XIAP: variants seen among roughly 807,000 people sequenced by gnomAD.
The protein encoded by XIAP is X-linked inhibitor of apoptosis.
Under a neutral mutation model 33.1 loss-of-function variants are expected in XIAP, and 3 were observed. The ratio of observed to expected loss-of-function variants is 0.09; its 90% CI spans 0.04 to 0.23. The LOEUF (loss-of-function observed/expected upper bound fraction) is 0.23. XIAP is among the 10% of genes least tolerant of loss of function. The pLI is 1.00. For synonymous variants in XIAP, 98 were observed against 121.3 expected (o/e 0.81, Z 1.26); for missense variants, 264 against 363.0 (o/e 0.73, Z 2.22).
At chrX:123,865,206 CAGT>C (rs2053123982) in intron 1 of XIAP, among the ~76,000 whole-genome samples, 1 of 109,696 alleles carries the variant, frequency 9.1e-6, no homozygotes, top group South Asian at 3.8e-4. Context: ...AAGAGACAAA[CAGT>C]AGTGATAAGA....
At chrX:123,890,940 CAA>C (rs150056280) in intron 3 of XIAP, among the ~76,000 whole-genome samples, 7 of 78,096 alleles carry the variant, frequency 9.0e-5, no homozygotes, top group Admixed American at 1.5e-4. Flanking sequence ...GACTCTGTCT[CAA>C]AAAAAAAAAA....
At chrX:123,864,641 T>A (rs1349025925) in intron 1 of XIAP, among the ~76,000 whole-genome samples, 6 of 22,876 alleles carry the variant, frequency 2.6e-4, no homozygotes, top group African/African-American at 9.7e-4. Flanking sequence ...TTAGAGTGTG[T>A]GTGTGTGTGT....
rs28382740 is a variant in XIAP, at chrX:123,907,193, A to G, written c.*12A>G. 247,060 of 1,177,667 alleles carry G rather than the reference A, an allele frequency of 0.21. 18,019 individuals carry two copies. The highest frequency in any genetic ancestry group is 0.39 in the South Asian group (21,885 of 55,856). Reference sequence around the variant, plus strand: ...TTTTTATGTCTTAATCTAACTCTATAGTAGGCATGTTATGTTGTTCTTATT... The same window carrying G: ...TTTTTATGTCTTAATCTAACTCTATGGTAGGCATGTTATGTTGTTCTTATT... On this transcript the variant is annotated 3_prime_UTR_variant, in exon 7 of 7. Transcript: ENST00000371199.
chrX:123,861,449 G>A (rs780168599), intron 1 of XIAP, among the ~76,000 whole-genome samples: 3 of 110,021 alleles, frequency 2.7e-5, no homozygotes, highest in African/African-American at 9.9e-5. Context: ...CCACATTCAA[G>A]AAGTGGCAAC....
intron 1 of XIAP, chrX:123,878,751 G>A (rs1439050997): frequency 8.9e-6 from 1 of 112,067 alleles, no homozygotes; most frequent in African/African-American, 3.2e-5. Context: ...AACGATTCCA[G>A]GCTTTTGATG....
At chrX:123,873,025 T>G (rs2053208825) in intron 1 of XIAP, 1 of 93,016 alleles carries the variant, frequency 1.1e-5, no homozygotes, top group Admixed American at 1.2e-4. Context: ...CATGCCCGAC[T>G]AATTTTTAAT....
At chrX:123,880,756 A>G (rs1204024825) in intron 1 of XIAP, among the ~76,000 whole-genome samples, 4 of 100,761 alleles carry the variant, frequency 4.0e-5, no homozygotes, top group African/African-American at 1.1e-4. Context: ...AAAAAAAAAA[A>G]GGGAGAAATA....
intron 5 of XIAP, among the ~76,000 whole-genome samples, chrX:123,895,421 T>G (rs769529679): frequency 8.9e-6 from 1 of 112,372 alleles, no homozygotes; most frequent in Non-Finnish European, 1.9e-5. Flanking sequence ...GTGCATAAGT[T>G]TTTGTATAGA....
At chrX:123,894,658 C>T (rs1208791353) in intron 5 of XIAP, among the ~76,000 whole-genome samples, 7 of 110,770 alleles carry the variant, frequency 6.3e-5, no homozygotes, top group African/African-American at 2.0e-4. Context: ...ATCCCAGCTA[C>T]TTGGGAGGCT....
intron 1 of XIAP, among the ~76,000 whole-genome samples, chrX:123,871,246 C>T (rs900031375): frequency 9.5e-6 from 1 of 105,454 alleles, no homozygotes; most frequent in Non-Finnish European, 1.9e-5. Context: ...TGGCCATGAG[C>T]CACCAAGCCT....
intron 1 of XIAP, among the ~76,000 whole-genome samples, chrX:123,872,333 CCT>C (rs1491216581): frequency 9.5e-6 from 1 of 105,682 alleles, no homozygotes; most frequent in East Asian, 3.0e-4. Context: ...TTTTTTTCGT[CCT>C]TTTTTTTTTT....
chrX:123,863,762 C>T (rs1202967660), intron 1 of XIAP, among the ~76,000 whole-genome samples: 5 of 111,262 alleles, frequency 4.5e-5, no homozygotes, highest in African/African-American at 1.6e-4. Context: ...GTGCTGGGAC[C>T]TCAGGTGAAA....
At chrX:123,866,574 TATATA>T (rs754556287) in intron 1 of XIAP, among the ~76,000 whole-genome samples, 172 of 100,715 alleles carry the variant, frequency 1.7e-3, no homozygotes, top group African/African-American at 5.2e-3. Flanking sequence ...TATAATATAG[TATATA>T]ATATATTACA....
chrX:123,894,578 G>A (rs1363243365), intron 5 of XIAP, among the ~76,000 whole-genome samples: 2 of 110,751 alleles, frequency 1.8e-5, no homozygotes, highest in Non-Finnish European at 1.9e-5. Flanking sequence ...AGACCAGCCC[G>A]GCCAACATGG....
In XIAP at chrX:123,911,104, A is replaced by C. The variant is rs908086647; in HGVS notation, c.*3923A>C. 6.1e-6 allele frequency: 2 copies of C among 326,809 alleles called. No homozygotes were observed. The highest frequency in any genetic ancestry group is 2.7e-5 in the African/African-American group (1 of 37,428). The allele number at this position is 326,809 out of a possible 1,213,427, so 26.9% of individuals were successfully genotyped here. On this transcript the variant is annotated 3_prime_UTR_variant, in exon 7 of 7. Transcript: ENST00000371199. The stretch of plus-strand genomic sequence containing the variant: ...TCTGTGGGTTTGTCTTGACCTGGAA[A>C]TTTGGGCTAAAACTTAGAAAAAATT...
At chrX:123,873,947 A>C (rs1414420703) in intron 1 of XIAP, 1 of 109,925 alleles carries the variant, frequency 9.1e-6, no homozygotes, top group Non-Finnish European at 1.9e-5. Context: ...AAAAAAAAAA[A>C]AAACCTGGTG....
chrX:123,868,298 C>T (rs1340108162), intron 1 of XIAP, among the ~76,000 whole-genome samples: 1 of 110,929 alleles, frequency 9.0e-6, no homozygotes, highest in South Asian at 3.7e-4. Flanking sequence ...TGTCTCAAAA[C>T]AAACAAACAA....
chrX:123,882,577 C>T (rs1340431359), intron 1 of XIAP, among the ~76,000 whole-genome samples: 7 of 112,143 alleles, frequency 6.2e-5, no homozygotes, highest in Non-Finnish European at 1.1e-4. Flanking sequence ...GAAATAATAT[C>T]CCTTGGTAGC....
intron 5 of XIAP, among the ~76,000 whole-genome samples, chrX:123,896,835 G>A (rs2053465235): frequency 9.1e-6 from 1 of 109,514 alleles, no homozygotes; most frequent in African/African-American, 3.3e-5. Flanking sequence ...GCCCACCTCA[G>A]CCTCCCAAAG....
Sources: allele counts gnomAD v4.1 joint callset (sites outside exome capture counted in the v4.1 genomes callset), GRCh38; gene constraint gnomAD v4.1.1; transcripts MANE v1.5; gene names NCBI Gene and HGNC (gene_info 2026-07-23, HGNC 2026-07-21).